Variants in SESN1 observed in about 807,000 individuals in gnomAD.
SESN1 encodes sestrin-1.
In SESN1, 30 loss-of-function variants were observed where a neutral mutation model predicts 59.3. That is an observed-to-expected ratio of 0.51 (90% confidence interval 0.38 to 0.69). The LOEUF is 0.69. SESN1 is among the 30% of genes least tolerant of loss of function. The pLI is 0.00. For synonymous variants in SESN1, 197 were observed against 219.9 expected, an observed-to-expected ratio of 0.90 and a Z score of 0.92; for missense variants, 566 against 673.0, an observed-to-expected ratio of 0.84 and a Z score of 1.76.
At chr6:109,087,027 G>A (rs1333276624) in intron 1 of SESN1, among the ~76,000 whole-genome samples, 1 of 152,178 alleles carries the variant, frequency 6.6e-6, no homozygotes, top group Non-Finnish European at 1.5e-5. Flanking sequence ...AGCTACTCAG[G>A]AGGCTGAGGC....
chr6:109,074,117 G>A (rs1780986635), intron 1 of SESN1, among the ~76,000 whole-genome samples: 1 of 152,166 alleles, frequency 6.6e-6, no homozygotes, highest in Admixed American at 6.5e-5. Context: ...ATTCATTACA[G>A]TAATGTGCTA....
intron 1 of SESN1, among the ~76,000 whole-genome samples, chr6:109,038,984 G>C (rs1193039369): frequency 6.7e-6 from 1 of 150,024 alleles, no homozygotes; most frequent in African/African-American, 2.5e-5. Flanking sequence ...AGAAAAAGAA[G>C]AAGGAGGAGG....
At chr6:109,032,346 C>T (rs779278656) in intron 1 of SESN1, among the ~76,000 whole-genome samples, 2 of 152,084 alleles carry the variant, frequency 1.3e-5, no homozygotes, top group African/African-American at 2.4e-5. Flanking sequence ...AGGCTGGGCG[C>T]AGTGGCTCAC....
rs1781457543 is a variant in SESN1, at chr6:109,094,695, G to A, written c.-622C>T. On this transcript the variant is annotated 5_prime_UTR_variant, in exon 1 of 10. Coordinates refer to ENST00000436639, the MANE Select transcript of SESN1 (RefSeq NM_014454.3). The stretch of plus-strand genomic sequence containing the variant: ...TCGGGCAGCCGTAGTCTCGGCGGGC[G>A]GCGGTGAAAAAAAGCGTCCCCCAGC... The A allele has an allele frequency of 6.5e-6, 1 of 152,766 alleles. No homozygotes were observed. The highest frequency in any genetic ancestry group is 2.4e-5 in the African/African-American group (1 of 41,476). 9.5% of individuals were successfully genotyped at this position (152,766 alleles called of 1,614,324 possible). A position where few individuals can be genotyped will look rare whatever the true frequency, so the allele number is the denominator to read the frequency against.
rs1212229583 is a variant in SESN1, at chr6:108,986,385, A to G, written c.*1159T>C. 1 of 152,412 alleles carries G rather than the reference A, an allele frequency of 6.6e-6. No individual in the cohort carries two copies. Among genetic ancestry groups the G allele is most frequent in the Non-Finnish European group, 1.5e-5 (1 of 68,030 alleles). The allele number at this position is 152,412 out of a possible 1,614,324, so 9.4% of individuals were successfully genotyped here. On this transcript the variant is annotated 3_prime_UTR_variant, in exon 10 of 10. Transcript: ENST00000436639. ...GCTTATGAAAGTAGATAGAAACTCA[A>G]AATTATTACTAATAGTGAAGTCATG... is the stretch of plus-strand genomic sequence containing the variant.
chr6:109,001,822 G>A (rs772381242), intron 2 of SESN1, among the ~76,000 whole-genome samples: 8 of 152,048 alleles, frequency 5.3e-5, no homozygotes, highest in East Asian at 3.8e-4. Context: ...TTACAAAACC[G>A]CCTACTCTCA....
rs541051856 is a variant in SESN1, at chr6:109,068,175, T to G, written c.279+25620A>C. The stretch of plus-strand genomic sequence containing the variant: ...ATCCCTTCTTGGTTTCTCTTAACCC[T>G]GCATACACCTTTGTAGACAGTCCTT... On this transcript the variant is annotated intron_variant, in intron 1 of 9. Coordinates refer to ENST00000436639, the MANE Select transcript of SESN1 (RefSeq NM_014454.3). 5.9e-5 allele frequency among the ~76,000 whole-genome samples: 9 copies of G among 152,324 alleles called. 1 individual carries two copies. The South Asian group carries it at 1.9e-3, about 32-fold the overall frequency.
intron 1 of SESN1, among the ~76,000 whole-genome samples, chr6:109,049,339 T>A (rs1780505603): frequency 6.6e-6 from 1 of 150,890 alleles, no homozygotes; most frequent in Non-Finnish European, 1.5e-5. Context: ...GTTGATCTCA[T>A]GGAAGTAAAA....
At chr6:109,032,045 GGA>G (rs1780187516) in intron 1 of SESN1, among the ~76,000 whole-genome samples, 1 of 151,984 alleles carries the variant, frequency 6.6e-6, no homozygotes, top group Non-Finnish European at 1.5e-5. Context: ...AATTTTCCGC[GGA>G]TCACCTGAGG....
chr6:109,083,847 A>G (rs1781164900), intron 1 of SESN1, among the ~76,000 whole-genome samples: 1 of 152,222 alleles, frequency 6.6e-6, no homozygotes, highest in Non-Finnish European at 1.5e-5. Context: ...TGCTGTGTTT[A>G]GGCTATGAAT....
intron 1 of SESN1, among the ~76,000 whole-genome samples, chr6:109,076,765 A>G (rs1781038546): frequency 6.6e-6 from 1 of 152,220 alleles, no homozygotes; most frequent in East Asian, 1.9e-4. Context: ...AATAAAAGTT[A>G]ATTATTACAG....
chr6:108,994,652 A>G (rs1356806873), intron 5 of SESN1, 43 bp from the exon 6 acceptor site: 36 of 1,473,106 alleles, frequency 2.4e-5, no homozygotes, highest in Non-Finnish European at 3.3e-5. Context: ...GCAGACATAG[A>G]ATATATATGA....
chr6:109,081,335 G>C (rs762197708), intron 1 of SESN1, among the ~76,000 whole-genome samples: 7 of 152,096 alleles, frequency 4.6e-5, no homozygotes, highest in Non-Finnish European at 8.8e-5. Context: ...CAAAACCCTG[G>C]GATCACAGGT....
rs144105638 is a variant in SESN1, at chr6:108,985,854, ATAAG to A, written c.*1686_*1689del. On this transcript the variant is annotated 3_prime_UTR_variant, in exon 10 of 10. Coordinates refer to ENST00000436639, the MANE Select transcript of SESN1 (RefSeq NM_014454.3). ...TGCATATTCAATGAGTAATGCACTT[ATAAG>A]TAAGTTTCTTTAAATATAAAACATA... Among the ~76,000 whole-genome samples the A allele has an allele frequency of 1.4e-4, 22 of 152,360 alleles. No homozygotes were observed. The highest frequency in any genetic ancestry group is 3.3e-4 in the Admixed American group (5 of 15,304).
chr6:108,992,457 C>G (rs1262176739), intron 7 of SESN1, among the ~76,000 whole-genome samples: 2 of 152,038 alleles, frequency 1.3e-5, no homozygotes, highest in Non-Finnish European at 2.9e-5. Flanking sequence ...TTATGGTTCT[C>G]AAATATTTTC....
At chr6:108,995,762 C>A (rs376811111) in intron 5 of SESN1, among the ~76,000 whole-genome samples, 14 of 152,138 alleles carry the variant, frequency 9.2e-5, no homozygotes, top group East Asian at 5.8e-4. Context: ...CCAGCCTGGA[C>A]AACAGAGAGA....
intron 1 of SESN1, chr6:109,088,324 C>T (rs1348790880): frequency 6.6e-6 from 1 of 151,944 alleles, no homozygotes; most frequent in Non-Finnish European, 1.5e-5. Flanking sequence ...GAACTGCCAA[C>T]CTCCAGACTT....
At chr6:109,007,207 A>G (rs1441382355) in intron 1 of SESN1, among the ~76,000 whole-genome samples, 1 of 152,214 alleles carries the variant, frequency 6.6e-6, no homozygotes, top group African/African-American at 2.4e-5. Flanking sequence ...GAATGTTGAC[A>G]GTAGTACCAC....
intron 1 of SESN1, among the ~76,000 whole-genome samples, chr6:109,059,096 T>TACACACACACACACACACACACACAC (rs373238799): frequency 6.7e-6 from 1 of 149,718 alleles, no homozygotes; most frequent in South Asian, 2.1e-4. Context: ...TATCACTTCA[T>TACACACACACACACACACACACACAC]ACACACACAC....
Sources: gnomAD v4.1 joint callset for allele counts (sites outside exome capture counted in the v4.1 genomes callset) on GRCh38, gnomAD v4.1.1 for gene constraint, MANE v1.5 for transcripts, NCBI Gene and HGNC (gene_info 2026-07-23, HGNC 2026-07-21) for gene names.